The following CAMK2D variants were observed in gnomAD, a reference collection of about 807,000 sequenced individuals.
CAMK2D encodes the protein calcium/calmodulin dependent protein kinase II delta, also known as calcium/calmodulin-dependent protein kinase type II subunit delta.
In CAMK2D, 37 loss-of-function variants were observed where a neutral mutation model predicts 84.0. The observed-to-expected ratio is 0.44, with a 90% confidence interval of 0.34 to 0.58. The LOEUF is 0.58. Ranked by LOEUF, CAMK2D falls within the 20% of genes least tolerant of loss-of-function variation. The pLI is 0.02. For synonymous variants in CAMK2D, 202 were observed against 212.5 expected (o/e 0.95, Z 0.43); for missense variants, 448 against 652.5 (o/e 0.69, Z 3.41).
chr4:113,573,653 G>A (rs946622036), intron 4 of CAMK2D, among the ~76,000 whole-genome samples: 1 of 152,186 alleles, frequency 6.6e-6, no homozygotes, highest in African/African-American at 2.4e-5. Context: ...AACAAATAAA[G>A]AGGCTTTATA....
In CAMK2D at chr4:113,593,414, C is replaced by T. The variant is rs35062297; in HGVS notation, c.275+15738G>A. The stretch of plus-strand genomic sequence containing the variant: ...TCCACGAGCAGAAACCTCCTCTGAA[C>T]CATCATGAGGTAGGAAAACATAAAC... On this transcript the variant is annotated intron_variant, in intron 4 of 20. Coordinates refer to ENST00000511664, the MANE Select transcript of CAMK2D (RefSeq NM_001321571.2). Among the ~76,000 whole-genome samples the T allele has an allele frequency of 4.4e-3, 675 of 152,034 alleles. 4 individuals are homozygous for T. Among genetic ancestry groups the T allele is most frequent in the Non-Finnish European group, 6.9e-3 (472 of 68,006 alleles).
At chr4:113,548,789 G>T in intron 5 of CAMK2D, 1 of 767,200 alleles carries the variant, frequency 1.3e-6, no homozygotes, top group South Asian at 1.6e-5. Flanking sequence ...TAATCACATT[G>T]AATATGAAAT....
At chr4:113,760,474 C>T (rs1442276910) in intron 1 of CAMK2D, among the ~76,000 whole-genome samples, 4 of 152,160 alleles carry the variant, frequency 2.6e-5, no homozygotes, top group Non-Finnish European at 5.9e-5. Flanking sequence ...AGAACAACTA[C>T]TGGATGCGAA....
intron 16 of CAMK2D, among the ~76,000 whole-genome samples, chr4:113,493,682 G>A (rs371706087): frequency 0.47 from 70,921 of 150,652 alleles, 17,531 homozygotes; most frequent in African/African-American, 0.59. Context: ...GAATCTGAAC[G>A]TTGGCCTGCC....
intron 3 of CAMK2D, among the ~76,000 whole-genome samples, chr4:113,621,569 G>T (rs941468375): frequency 6.6e-6 from 1 of 152,154 alleles, no homozygotes; most frequent in Non-Finnish European, 1.5e-5. Context: ...TGGGATAAAT[G>T]AGTAGCTTCA....
intron 4 of CAMK2D, among the ~76,000 whole-genome samples, chr4:113,562,232 C>A (rs1460069043): frequency 6.6e-6 from 1 of 152,080 alleles, no homozygotes; most frequent in Non-Finnish European, 1.5e-5. Flanking sequence ...GTGATAAAGT[C>A]TTATTTGACT....
chr4:113,553,391 T>C (rs1301525213), intron 4 of CAMK2D, among the ~76,000 whole-genome samples: 1 of 152,228 alleles, frequency 6.6e-6, no homozygotes, highest in East Asian at 1.9e-4. Flanking sequence ...TAGAGCTTCA[T>C]GTATGAATAC....
At chr4:113,683,298 A>G (rs2099350894) in intron 2 of CAMK2D, among the ~76,000 whole-genome samples, 1 of 152,146 alleles carries the variant, frequency 6.6e-6, no homozygotes, top group Non-Finnish European at 1.5e-5. Flanking sequence ...AAAATCCTCC[A>G]CCACCTGCAC....
chr4:113,703,099 G>C (rs1394461938), intron 2 of CAMK2D, among the ~76,000 whole-genome samples: 1 of 152,100 alleles, frequency 6.6e-6, no homozygotes, highest in African/African-American at 2.4e-5. Flanking sequence ...ATGTGAATTT[G>C]TTCATTTAAA....
At chr4:113,548,232 G>C (rs930188487) in intron 5 of CAMK2D, among the ~76,000 whole-genome samples, 1 of 152,010 alleles carries the variant, frequency 6.6e-6, no homozygotes. Context: ...CTTGCCTAAG[G>C]GTTCATCAGA....
intron 19 of CAMK2D, among the ~76,000 whole-genome samples, chr4:113,456,183 G>A (rs1215646752): frequency 2.0e-5 from 3 of 152,154 alleles, no homozygotes; most frequent in Non-Finnish European, 4.4e-5. Flanking sequence ...GAAGGCCTCT[G>A]AAAACCACTG....
intron 6 of CAMK2D, among the ~76,000 whole-genome samples, chr4:113,538,008 G>A (rs1342490052): frequency 6.6e-6 from 1 of 151,900 alleles, no homozygotes; most frequent in Non-Finnish European, 1.5e-5. Context: ...TAAAATTGCT[G>A]TCTTTAAGAA....
chr4:113,729,339 G>A (rs1304646883), intron 2 of CAMK2D, among the ~76,000 whole-genome samples: 4 of 152,086 alleles, frequency 2.6e-5, no homozygotes, highest in African/African-American at 7.2e-5. Flanking sequence ...ACCATGAGCC[G>A]GAGGACCTTC....
chr4:113,500,915 CAATT>C (rs929305289), intron 15 of CAMK2D, among the ~76,000 whole-genome samples: 7 of 152,012 alleles, frequency 4.6e-5, no homozygotes, highest in African/African-American at 1.7e-4. Context: ...TTTCTATTCC[CAATT>C]AATTAATCAA....
In CAMK2D at chr4:113,629,953, T is replaced by C. The variant is rs77809311; in HGVS notation, c.221-20747A>G. ...CTTCAGTGGAGATTTAGGATATTGA[T>C]TAAGAATGGCAATTTAATTTAGCAG... On this transcript the variant is annotated intron_variant, in intron 3 of 20. Transcript: ENST00000511664. 5.3e-3 allele frequency among the ~76,000 whole-genome samples: 813 copies of C among 152,194 alleles called. 10 individuals are homozygous for C. The highest frequency in any genetic ancestry group is 0.019 in the African/African-American group (777 of 41,556).
At chr4:113,708,493 G>T (rs116750497) in intron 2 of CAMK2D, among the ~76,000 whole-genome samples, 7 of 152,136 alleles carry the variant, frequency 4.6e-5, no homozygotes, top group African/African-American at 1.7e-4. Context: ...TAACTAACTG[G>T]GCTCACCTCT....
intron 2 of CAMK2D, among the ~76,000 whole-genome samples, chr4:113,697,171 A>G (rs1228462475): frequency 6.6e-6 from 1 of 152,140 alleles, no homozygotes; most frequent in African/African-American, 2.4e-5. Flanking sequence ...CAAAATCTAC[A>G]TATGGAAACA....
At chr4:113,636,733 T>C (rs1031845358) in intron 3 of CAMK2D, among the ~76,000 whole-genome samples, 1 of 152,144 alleles carries the variant, frequency 6.6e-6, no homozygotes, top group Non-Finnish European at 1.5e-5. Flanking sequence ...ACACTCACGC[T>C]ATCAAGGAGG....
chr4:113,695,078 C>T (rs1260542781), intron 2 of CAMK2D, among the ~76,000 whole-genome samples: 1 of 152,096 alleles, frequency 6.6e-6, no homozygotes, highest in East Asian at 1.9e-4. Flanking sequence ...TGTCACCTCA[C>T]TACAATAAGC....
Sources: allele counts gnomAD v4.1 joint callset (sites outside exome capture counted in the v4.1 genomes callset), GRCh38; gene constraint gnomAD v4.1.1; transcripts MANE v1.5; gene names NCBI Gene and HGNC (gene_info 2026-07-23, HGNC 2026-07-21).